Variants in NRXN3 observed in about 807,000 individuals in gnomAD.
NRXN3 encodes the protein neurexin III.
In NRXN3, 32 loss-of-function variants were observed where a neutral mutation model predicts 137.6. That is an observed-to-expected ratio of 0.23 (90% confidence interval 0.18 to 0.31). The LOEUF (loss-of-function observed/expected upper bound fraction) is 0.31. NRXN3 is among the 10% of genes least tolerant of loss of function. The pLI, the probability that NRXN3 is intolerant of heterozygous loss-of-function variation, is 1.00. For missense variants in NRXN3, 1,574 were observed against 2,062.5 expected (o/e 0.76, Z 4.59); for synonymous variants, 798 against 784.5 (o/e 1.02, Z -0.29).
chr14:79,855,994 C>T (rs2099401725), intron 20 of NRXN3, among the ~76,000 whole-genome samples: 1 of 152,144 alleles, frequency 6.6e-6, no homozygotes. Flanking sequence ...TGAAACACTC[C>T]ACTTGACATT....
At chr14:79,258,374 T>G (rs1056706354) in intron 15 of NRXN3, among the ~76,000 whole-genome samples, 6 of 151,878 alleles carry the variant, frequency 4.0e-5, no homozygotes, top group Non-Finnish European at 8.8e-5. Flanking sequence ...CTGGCTAATT[T>G]TTTTGTTTTT....
chr14:79,342,919 G>T (rs2092684468), intron 15 of NRXN3, among the ~76,000 whole-genome samples: 2 of 152,174 alleles, frequency 1.3e-5, no homozygotes, highest in South Asian at 4.1e-4. Flanking sequence ...CAGTTTCCCT[G>T]AGCATTTGGG....
intron 19 of NRXN3, among the ~76,000 whole-genome samples, chr14:79,701,872 C>A (rs913099511): frequency 5.3e-5 from 8 of 151,972 alleles, no homozygotes; most frequent in African/African-American, 1.9e-4. Flanking sequence ...ATAAGGATAA[C>A]TGAGTTGATA....
At chr14:79,527,871 C>CAA (rs33938281) in intron 16 of NRXN3, among the ~76,000 whole-genome samples, 1 of 118,438 alleles carries the variant, frequency 8.4e-6, no homozygotes, top group Non-Finnish European at 1.7e-5. Flanking sequence ...ACTCCTTCGC[C>CAA]AAAAAAAAAA....
At chr14:79,274,498 C>T (rs1379874428) in intron 15 of NRXN3, among the ~76,000 whole-genome samples, 3 of 152,098 alleles carry the variant, frequency 2.0e-5, no homozygotes, top group Non-Finnish European at 2.9e-5. Context: ...TTTAGACCTT[C>T]GATAGCTAGT....
intron 16 of NRXN3, among the ~76,000 whole-genome samples, chr14:79,488,304 C>A (rs1378834038): frequency 6.6e-6 from 1 of 152,174 alleles, no homozygotes; most frequent in Non-Finnish European, 1.5e-5. Flanking sequence ...TGAAGAGTCA[C>A]TTAACTTGTG....
chr14:79,612,823 C>A (rs1346497944), intron 16 of NRXN3, among the ~76,000 whole-genome samples: 6 of 152,108 alleles, frequency 3.9e-5, no homozygotes. Flanking sequence ...TGCAGCCTAA[C>A]TGACAGAGCA....
intron 15 of NRXN3, among the ~76,000 whole-genome samples, chr14:79,332,942 T>C (rs1000349449): frequency 2.0e-5 from 3 of 152,146 alleles, no homozygotes; most frequent in Non-Finnish European, 4.4e-5. Context: ...TTCTCTAACG[T>C]TGTATCCCAA....
At chr14:78,296,629 C>G (rs1284096874) in intron 3 of NRXN3, among the ~76,000 whole-genome samples, 2 of 152,146 alleles carry the variant, frequency 1.3e-5, no homozygotes, top group Admixed American at 6.5e-5. Context: ...AATACTAAAA[C>G]TATCTATTTA....
rs182993489 is a variant in NRXN3, at chr14:79,431,045, C to T, written c.3263-36176C>T. Among the ~76,000 whole-genome samples the T allele has an allele frequency of 1.6e-4, 24 of 152,272 alleles. 1 individual carries two copies. The highest frequency in any genetic ancestry group is 3.9e-4 in the Admixed American group (6 of 15,290). ...CTCACTGAGTACTATACATCGGGGCCTCTGGCTCTTACCTCCTTTCTCAGA... is the reference window on the plus strand; with the variant it reads ...CTCACTGAGTACTATACATCGGGGCTTCTGGCTCTTACCTCCTTTCTCAGA... On this transcript the variant is annotated intron_variant, in intron 15 of 20. Transcript: ENST00000335750.
At chr14:79,751,475 A>G (rs1369512172) in intron 19 of NRXN3, among the ~76,000 whole-genome samples, 2 of 150,326 alleles carry the variant, frequency 1.3e-5, no homozygotes, top group Non-Finnish European at 3.0e-5. Flanking sequence ...TTTTGGGCTG[A>G]GACAATGGGG....
chr14:78,800,179 G>T (rs1182388999), intron 8 of NRXN3, among the ~76,000 whole-genome samples: 2 of 152,148 alleles, frequency 1.3e-5, no homozygotes, highest in African/African-American at 2.4e-5. Flanking sequence ...TCCAGGCATA[G>T]CTCTATGACA....
intron 3 of NRXN3, among the ~76,000 whole-genome samples, chr14:78,281,332 G>T (rs1380909710): frequency 2.0e-5 from 3 of 152,234 alleles, no homozygotes; most frequent in African/African-American, 7.2e-5. Flanking sequence ...AGGAAGTCAA[G>T]TTGGGGATTT....
intron 4 of NRXN3, among the ~76,000 whole-genome samples, chr14:78,456,859 CTCTT>C (rs199940490): frequency 0.039 from 3,115 of 80,636 alleles, 91 homozygotes; most frequent in Middle Eastern, 0.065. Flanking sequence ...CTTTCTTTTT[CTCTT>C]TCTTTCTTTC....
chr14:79,018,260 C>CAAAAAA (rs1163466834), intron 15 of NRXN3, among the ~76,000 whole-genome samples: 2 of 23,148 alleles, frequency 8.6e-5, no homozygotes, highest in African/African-American at 3.3e-4. Context: ...AACTCTGTCT[C>CAAAAAA]AAAAAAAAAA....
At chr14:79,767,621 G>A (rs906945377) in intron 19 of NRXN3, among the ~76,000 whole-genome samples, 16 of 152,146 alleles carry the variant, frequency 1.1e-4, no homozygotes, top group African/African-American at 3.9e-4. Flanking sequence ...GTCCTATACT[G>A]TTCTAAACAC....
At chr14:78,529,129 A>G (rs969277652) in intron 4 of NRXN3, among the ~76,000 whole-genome samples, 1 of 152,220 alleles carries the variant, frequency 6.6e-6, no homozygotes, top group Non-Finnish European at 1.5e-5. Flanking sequence ...ACCTCATAAT[A>G]GAGCCTGACT....
chr14:79,814,896 GA>G lies in NRXN3; in HGVS notation c.4093+9715del, dbSNP rs200001059. On this transcript the variant is annotated intron_variant, in intron 20 of 20. Coordinates refer to ENST00000335750, the MANE Select transcript of NRXN3 (RefSeq NM_001330195.2). ...TGTTCAGCAAGGCATCTGAGGATGG[GA>G]AAAAAAAACTTTTTAACTCACTGGT... 4.6e-3 allele frequency among the ~76,000 whole-genome samples: 703 copies of G among 151,262 alleles called. 40 individuals carry two copies. The South Asian group carries it at 0.13, about 27-fold the overall frequency.
At chr14:78,855,287 G>A (rs907854751) in intron 10 of NRXN3, among the ~76,000 whole-genome samples, 9 of 152,140 alleles carry the variant, frequency 5.9e-5, no homozygotes, top group African/African-American at 2.2e-4. Flanking sequence ...GTTTTGTAGA[G>A]ACAAATGTTT....
Sources: allele counts gnomAD v4.1 joint callset (sites outside exome capture counted in the v4.1 genomes callset), GRCh38; gene constraint gnomAD v4.1.1; transcripts MANE v1.5; gene names NCBI Gene and HGNC (gene_info 2026-07-23, HGNC 2026-07-21).